Variants in CSMD2 observed in about 807,000 individuals in gnomAD.
CSMD2 encodes the protein CUB and Sushi multiple domains 2, also known as CUB and sushi domain-containing protein 2.
A neutral mutation model predicts 398.5 loss-of-function variants in CSMD2; 130 were observed. The observed-to-expected ratio is 0.33, with a 90% CI of 0.28 to 0.38. CSMD2 has a LOEUF of 0.38. Ranked by LOEUF, CSMD2 falls within the 10% of genes least tolerant of loss-of-function variation. The probability of loss-of-function intolerance (pLI) is 1.00; values close to 1 mark genes in which losing one functional copy is unlikely to be tolerated. For synonymous variants in CSMD2, 1,828 were observed against 1,908.5 expected, an observed-to-expected ratio of 0.96 and a Z score of 1.10; for missense variants, 3,829 against 4,764.9, an observed-to-expected ratio of 0.80 and a Z score of 5.78.
rs552766587 is a variant in CSMD2, at chr1:33,518,942, T to G, written c.*53+523A>C. 1.1e-4 allele frequency among the ~76,000 whole-genome samples: 17 copies of G among 152,350 alleles called. No homozygotes were observed. The highest frequency in any genetic ancestry group is 4.1e-4 in the African/African-American group (17 of 41,584). ...ATATGGGGTATATGTATTGCGTTTA[T>G]AGTGTATGAATGTATATATATACAC... On this transcript the variant is annotated intron_variant, in intron 70 of 70. Transcript: ENST00000373381. This position sits in a 1 kb window ranked among gnomAD's most constrained non-coding sequence, Gnocchi z 4.3.
chr1:34,025,777 T>C (rs1009862830), intron 3 of CSMD2, among the ~76,000 whole-genome samples: 5 of 152,154 alleles, frequency 3.3e-5, no homozygotes, highest in Admixed American at 6.5e-5. Flanking sequence ...TGAGACTTCA[T>C]CCCTATCCAA....
chr1:34,117,668 CAAACAA>C (rs1022818806), intron 1 of CSMD2, among the ~76,000 whole-genome samples: 3 of 150,820 alleles, frequency 2.0e-5, no homozygotes, highest in Admixed American at 2.0e-4. Context: ...AGAAAACAAA[CAAACAA>C]AAACTACAGA....
intron 55 of CSMD2, among the ~76,000 whole-genome samples, chr1:33,553,763 C>G (rs72660177): frequency 2.0e-5 from 3 of 152,030 alleles, no homozygotes; most frequent in African/African-American, 4.8e-5. Flanking sequence ...AATGAAACAG[C>G]CTTATTGCCA....
chr1:33,908,211 C>G (rs934735142), intron 5 of CSMD2, among the ~76,000 whole-genome samples: 2 of 152,054 alleles, frequency 1.3e-5, no homozygotes, highest in Non-Finnish European at 2.9e-5. Flanking sequence ...AGACGCAAAC[C>G]AACGTGAAAC....
chr1:34,017,939 T>C (rs950841045), intron 3 of CSMD2, among the ~76,000 whole-genome samples: 6 of 152,218 alleles, frequency 3.9e-5, no homozygotes, highest in African/African-American at 1.2e-4. Flanking sequence ...AGGACTTCAC[T>C]GATGTTGGTT....
intron 44 of CSMD2, 95 bp from the exon 45 acceptor site, chr1:33,587,263 T>C: frequency 2.1e-6 from 2 of 942,342 alleles, no homozygotes. Flanking sequence ...TCATCCCTCA[T>C]TTATTCACAC....
rs573470871 is a variant in CSMD2 at position 34,071,983 on chromosome 1, T to C, written c.404+16994A>G. 2.6e-5 allele frequency among the ~76,000 whole-genome samples: 4 copies of C among 152,326 alleles called. No homozygotes were observed. In the East Asian group the frequency reaches 7.7e-4, roughly 29 times the overall value. The stretch of plus-strand genomic sequence containing the variant: ...ATATTGTAAGTCAGGAAAACGCAGA[T>C]GGCCCTGAGAAGGAATAGGACTTAG... On this transcript the variant is annotated intron_variant, in intron 2 of 70. Coordinates refer to ENST00000373381, the MANE Select transcript of CSMD2 (RefSeq NM_001281956.2).
At chr1:33,748,430 GA>G (rs1647696127) in intron 13 of CSMD2, among the ~76,000 whole-genome samples, 1 of 152,180 alleles carries the variant, frequency 6.6e-6, no homozygotes, top group African/African-American at 2.4e-5. Flanking sequence ...TTTTAAGTCA[GA>G]AGCGTCAGAC....
At chr1:33,876,709 C>T (rs1269746287) in intron 5 of CSMD2, among the ~76,000 whole-genome samples, 1 of 152,136 alleles carries the variant, frequency 6.6e-6, no homozygotes, top group Non-Finnish European at 1.5e-5. Context: ...TACCATGTGT[C>T]ATAGTAGCTG....
intron 25 of CSMD2, among the ~76,000 whole-genome samples, chr1:33,687,105 A>C (rs1006963007): frequency 6.6e-6 from 1 of 152,212 alleles, no homozygotes; most frequent in Admixed American, 6.5e-5. Flanking sequence ...GCAACACAGC[A>C]AATAAGAGTT....
chr1:33,945,771 A>G (rs1408395255), intron 3 of CSMD2, among the ~76,000 whole-genome samples: 3 of 151,670 alleles, frequency 2.0e-5, no homozygotes, highest in African/African-American at 7.3e-5. Context: ...GCCTATGTGA[A>G]CCTCTCCAGC....
intron 56 of CSMD2, among the ~76,000 whole-genome samples, chr1:33,548,190 T>C (rs1657091383): frequency 6.9e-6 from 1 of 144,976 alleles, no homozygotes; most frequent in Non-Finnish European, 1.5e-5. Context: ...GTTTATAAAT[T>C]ACCAGGCTCA....
In CSMD2 at chr1:33,541,115, C is replaced by T. The variant is rs755907160; in HGVS notation, c.9457+15G>A. 8.1e-6 allele frequency: 13 copies of T among 1,610,942 alleles called. No individual in the cohort carries two copies. The African/African-American group carries it at 1.1e-4, about 13-fold the overall frequency. On this transcript the variant is annotated intron_variant, in intron 59 of 70. Transcript: ENST00000373381. ...TTCTTTGGCTCTCTGTCCACATTTG[C>T]AGCCCCAGACACACCTTTGCAGACG...
intron 4 of CSMD2, among the ~76,000 whole-genome samples, chr1:33,923,833 C>G (rs1278228858): frequency 6.6e-6 from 1 of 152,180 alleles, no homozygotes; most frequent in Non-Finnish European, 1.5e-5. Flanking sequence ...AGCAAGTTAT[C>G]TAATGCCTGA....
At chr1:33,701,764 A>G (rs1645619680) in intron 22 of CSMD2, among the ~76,000 whole-genome samples, 1 of 152,254 alleles carries the variant, frequency 6.6e-6, no homozygotes, top group African/African-American at 2.4e-5. Context: ...AACAGACATC[A>G]AGATAATACA....
intron 2 of CSMD2, among the ~76,000 whole-genome samples, chr1:34,068,685 G>C (rs1455588589): frequency 6.6e-6 from 1 of 152,174 alleles, no homozygotes; most frequent in African/African-American, 2.4e-5. Context: ...TGTTGGTAAT[G>C]GTTTGGCTGT....
chr1:33,732,388 C>T (rs1172807510), intron 15 of CSMD2, among the ~76,000 whole-genome samples: 1 of 152,152 alleles, frequency 6.6e-6, no homozygotes, highest in Non-Finnish European at 1.5e-5. Context: ...GAGAGAGAGC[C>T]TTTCAGGAGG....
intron 3 of CSMD2, among the ~76,000 whole-genome samples, chr1:33,941,782 T>C (rs1160411068): frequency 1.3e-5 from 2 of 152,144 alleles, no homozygotes; most frequent in African/African-American, 4.8e-5. Flanking sequence ...GAGTTTTCTA[T>C]ACTTGCTGTC....
Position 33,533,851 on chromosome 1 carries a change from G to A in CSMD2, c.9936C>T (p.Thr3312=). 6.2e-7 allele frequency: 1 copy of A among 1,614,130 alleles called. No homozygotes were observed. Among genetic ancestry groups the A allele is most frequent in the South Asian group, 1.1e-5 (1 of 91,080 alleles). The change falls in exon 63 of 71, where the codon ACC becomes ACT. Residue 3312 remains threonine, a synonymous_variant. Transcript: ENST00000373381. The surrounding 1 kb of genome is among the most constrained non-coding windows in gnomAD (Gnocchi z 4.2). ...CQKGYLLQGS[T]TRTCLPNLTW... ...TCAGGTTTGGGAGGCAGGTCCTGGT[G>A]GTGGAGCCCTGAAGCAGGTAGCCTT...
Sources: allele counts gnomAD v4.1 joint callset (sites outside exome capture counted in the v4.1 genomes callset), GRCh38; gene constraint gnomAD v4.1.1; non-coding constraint Gnocchi (gnomAD v3.1); transcripts MANE v1.5; gene names NCBI Gene and HGNC (gene_info 2026-07-23, HGNC 2026-07-21).